The following CACTIN variants were observed in gnomAD, a reference collection of about 807,000 sequenced individuals.
CACTIN encodes the protein splicing factor Cactin.
A neutral mutation model predicts 84.9 loss-of-function variants in CACTIN; 20 were observed. The observed-to-expected ratio is 0.24, with a 90% CI of 0.17 to 0.34. The LOEUF (loss-of-function observed/expected upper bound fraction) is 0.34. Ranked by LOEUF, CACTIN falls within the 10% of genes least tolerant of loss-of-function variation. The pLI, the probability that CACTIN is intolerant of heterozygous loss-of-function variation, is 1.00. For synonymous variants in CACTIN, 549 were observed against 467.9 expected (o/e 1.17, Z -2.24); for missense variants, 897 against 1,117.2 (o/e 0.80, Z 2.81).
chr19:3,614,672 T>TGG, intron 6 of CACTIN, 83 bp from the exon 7 acceptor site: 1 of 1,134,962 alleles, frequency 8.8e-7, no homozygotes, highest in South Asian at 1.3e-5. Flanking sequence ...TCCCCTGCCA[T>TGG]GGGGGGGTCC....
Position 3,613,383 on chromosome 19 carries a change from T to C in CACTIN, c.1479-18A>G, listed in dbSNP as rs1273189476. 4 of 1,529,658 alleles carry C rather than the reference T, an allele frequency of 2.6e-6. No individual in the cohort carries two copies. The African/African-American group carries it at 5.5e-5, about 21-fold the overall frequency. 94.8% of individuals were successfully genotyped at this position (1,529,658 alleles called of 1,614,324 possible). A position where few individuals can be genotyped will look rare whatever the true frequency, so the allele number is the denominator to read the frequency against. Reference sequence around the variant, plus strand: ...GCTCCAGGCTGGGAGGAGAGAGCGTTGGAGGCGCGGAGGCTGCCCACGGCC... The same window carrying C: ...GCTCCAGGCTGGGAGGAGAGAGCGTCGGAGGCGCGGAGGCTGCCCACGGCC... On this transcript the variant is annotated intron_variant, in intron 8 of 9. Coordinates refer to ENST00000429344, the MANE Select transcript of CACTIN (RefSeq NM_001080543.2).
chr19:3,613,973 C>G, intron 7 of CACTIN: 1 of 413,756 alleles, frequency 2.4e-6, no homozygotes, highest in Non-Finnish European at 4.4e-6. Flanking sequence ...CAAAAACACT[C>G]CAGAAATCTG....
chr19:3,615,457 C>G lies in CACTIN; in HGVS notation c.1163-868G>C, dbSNP rs1262654149. On this transcript the variant is annotated intron_variant, in intron 6 of 9. Transcript: ENST00000429344. The surrounding 1 kb of genome is among the most constrained non-coding windows in gnomAD (Gnocchi z 5.2). ...TGCCGAACCCCTGCCACCTCTGGGCCTTTGCACGCACTGTGCTTCCTGCCA... is the reference window on the plus strand; with the variant it reads ...TGCCGAACCCCTGCCACCTCTGGGCGTTTGCACGCACTGTGCTTCCTGCCA... The G allele has an allele frequency of 6.5e-6, 1 of 153,518 alleles. No homozygotes were observed. The highest frequency in any genetic ancestry group is 2.4e-5 in the African/African-American group (1 of 41,490). The allele number at this position is 153,518 out of a possible 1,614,324, so 9.5% of individuals were successfully genotyped here. A position where few individuals can be genotyped will look rare whatever the true frequency, so the allele number is the denominator to read the frequency against.
Position 3,613,059 on chromosome 19 carries a change from C to A in CACTIN, c.1785G>T (p.Thr595=). 1 of 1,543,282 alleles carries A rather than the reference C, an allele frequency of 6.5e-7. No individual in the cohort carries two copies. The highest frequency in any genetic ancestry group is 2.4e-5 in the East Asian group (1 of 41,922). ...LQLSRQQLQV[T]GDASESAEDI... ...CCTGGCCTCCAGCCCCGCCCTTACC[C>A]GTGACCTGGAGCTGCTGGCGCGAGA... The change falls in exon 9 of 10, where the codon ACG becomes ACT. Residue 595 remains threonine, a splice_region_variant and synonymous_variant. Coordinates refer to ENST00000429344, the MANE Select transcript of CACTIN (RefSeq NM_001080543.2).
rs767785709 is a variant in CACTIN, at chr19:3,620,209, G to A, written c.802C>T (p.Leu268=). The A allele has an allele frequency of 3.8e-5, 61 of 1,607,874 alleles. No homozygotes were observed. The highest frequency in any genetic ancestry group is 5.0e-5 in the Non-Finnish European group (59 of 1,178,838). The change falls in exon 4 of 10, where the codon CTG becomes TTG. Residue 268 remains leucine, a synonymous_variant. Transcript: ENST00000429344. ...TGCTCTGCCTCCTTCTCGCGCTGCAGCATCTCCAGCTCCTGCTCGCGCATG... is the reference window on the plus strand; with the variant it reads ...TGCTCTGCCTCCTTCTCGCGCTGCAACATCTCCAGCTCCTGCTCGCGCATG... The part of the protein sequence containing the change: ...KAMREQELEM[L]QREKEAEHFK...
intron 2 of CACTIN, among the ~76,000 whole-genome samples, chr19:3,621,524 C>T (rs1042310684): frequency 2.0e-5 from 3 of 152,208 alleles, no homozygotes; most frequent in Non-Finnish European, 4.4e-5. Flanking sequence ...GGGACCACCC[C>T]CAGACACCCG....
intron 3 of CACTIN, chr19:3,620,475 C>A (rs1306331877): frequency 5.5e-6 from 4 of 721,314 alleles, no homozygotes; most frequent in Non-Finnish European, 7.2e-6. Context: ...TCAGCTGGGG[C>A]CCTCTCGGCC....
chr19:3,619,568 G>T lies in CACTIN; in HGVS notation c.885-326C>A, dbSNP rs890510465. ...TGGGCTGTGATGGGGAAGAGTGGAG[G>T]AGCTGAAGCAGAGGCAGGCTGGGGG... On this transcript the variant is annotated intron_variant, in intron 4 of 9. Transcript: ENST00000429344. 1.4e-3 allele frequency among the ~76,000 whole-genome samples: 208 copies of T among 152,318 alleles called. 1 individual carries two copies. Among genetic ancestry groups the T allele is most frequent in the African/African-American group, 4.9e-3 (203 of 41,570 alleles).
intron 1 of CACTIN, among the ~76,000 whole-genome samples, chr19:3,625,157 G>A (rs2033307579): frequency 6.6e-6 from 1 of 152,162 alleles, no homozygotes; most frequent in Admixed American, 6.5e-5. Flanking sequence ...CTCCCAAAGT[G>A]TTGGGATTAC....
chr19:3,617,355 G>A (rs572158579), intron 6 of CACTIN, among the ~76,000 whole-genome samples: 1 of 152,214 alleles, frequency 6.6e-6, no homozygotes, highest in Non-Finnish European at 1.5e-5. Flanking sequence ...GTCTCCAGGG[G>A]GACAGCAAAG....
intron 1 of CACTIN, among the ~76,000 whole-genome samples, chr19:3,625,174 G>A (rs2033308009): frequency 6.6e-6 from 1 of 152,140 alleles, no homozygotes; most frequent in East Asian, 1.9e-4. Context: ...TTACAGATGT[G>A]AGCCACTGCG....
At position 3,614,437 on chromosome 19, in the gene CACTIN, T is replaced by C; in HGVS notation, c.1315A>G (p.Ser439Gly). The C allele has an allele frequency of 6.3e-7, 1 of 1,593,266 alleles. No homozygotes were observed. Among genetic ancestry groups the C allele is most frequent in the South Asian group, 1.1e-5 (1 of 88,010 alleles). ...GPNLDMGYWE[S>G]LLQQLRAHMA... The stretch of plus-strand genomic sequence containing the variant: ...TGGGCACGAAGCTGCTGCAGGAGGC[T>C]CTCCCAGTAGCCCATGTCCAGGTTG... Residue 439 changes from serine to glycine, a missense_variant, in exon 7 of 10, where the codon AGC (serine) becomes GGC (glycine). Physicochemically the swap from Ser to Gly is moderately conservative, Grantham distance 56 (BLOSUM62 0). Around this residue, in one of 8 missense-constraint regions of CACTIN, gnomAD observed 304 missense variants for 444.3 expected, o/e 0.68. Coordinates refer to ENST00000429344, the MANE Select transcript of CACTIN (RefSeq NM_001080543.2).
At chr19:3,624,281 A>T in intron 1 of CACTIN, 119 bp from the exon 2 acceptor site, 1 of 900,150 alleles carries the variant, frequency 1.1e-6, no homozygotes, top group Non-Finnish European at 1.7e-6. Context: ...CACAGCAGTG[A>T]CCCAAATACC....
rs565999503 is a variant in CACTIN at position 3,612,067 on chromosome 19, G to C, written c.2133C>G (p.His711Gln). The C allele has an allele frequency of 1.1e-5, 18 of 1,613,906 alleles. No individual in the cohort carries two copies. The highest frequency in any genetic ancestry group is 1.7e-5 in the Admixed American group (1 of 60,032). Residue 711 changes from histidine (H) to glutamine (Q), a missense_variant, in exon 10 of 10, where the codon CAC becomes CAG. Physicochemically the swap from His to Gln is conservative, Grantham distance 24. Transcript: ENST00000429344. ...DNKDFAILRFHAGPPYEDIAF... is the reference protein window; with the variant it reads ...DNKDFAILRFQAGPPYEDIAF... ...CGATGTCCTCGTAGGGCGGCCCCGC[G>C]TGGAAGCGCAGGATGGCGAAATCCT...
chr19:3,612,988 G>T, intron 9 of CACTIN, 70 bp downstream of exon 9: 1 of 1,489,890 alleles, frequency 6.7e-7, no homozygotes, highest in Non-Finnish European at 9.0e-7. Context: ...GCCGGGAAAT[G>T]AGGCTGGAGA....
chr19:3,620,870 G>A (rs772594025), intron 2 of CACTIN, 68 bp from the exon 3 acceptor site: 41 of 1,259,050 alleles, frequency 3.3e-5, no homozygotes, highest in Middle Eastern at 1.8e-4. Context: ...CAGCTCCTTC[G>A]TCCAAGAGAT....
chr19:3,619,074 GGGTA>G lies in CACTIN; in HGVS notation c.1047+2_1047+5del. Reference sequence around the variant, plus strand: ...GGTCAGAGGAGCATCGGGTGGGGCTGGGTACCTGGATATCCTCCAGCAGGTCCTC... The same window carrying G: ...GGTCAGAGGAGCATCGGGTGGGGCTGCCTGGATATCCTCCAGCAGGTCCTC... On this transcript the variant is annotated splice_donor_variant and splice_donor_5th_base_variant and intron_variant, in intron 5 of 9. Transcript: ENST00000429344. LOFTEE classifies it high-confidence loss of function. 1 of 1,553,942 alleles carries G rather than the reference GGGTA, an allele frequency of 6.4e-7. No homozygotes were observed. Among genetic ancestry groups the G allele is most frequent in the Non-Finnish European group, 8.7e-7 (1 of 1,148,540 alleles).
rs770351695 is a variant in CACTIN, at chr19:3,624,178, T to C, written c.168-16A>G. 18 of 1,533,780 alleles carry C rather than the reference T, an allele frequency of 1.2e-5. No homozygotes were observed. Among genetic ancestry groups the C allele is most frequent in the Middle Eastern group, 3.5e-4 (2 of 5,768 alleles). The stretch of plus-strand genomic sequence containing the variant: ...TGAATCTGACCTGCGGAGAGGACCA[T>C]GGATGCCTGCTCAGTGCCTGCAGCT... On this transcript the variant is annotated splice_polypyrimidine_tract_variant and intron_variant, in intron 1 of 9. Coordinates refer to ENST00000429344, the MANE Select transcript of CACTIN (RefSeq NM_001080543.2).
At chr19:3,624,358 C>T (rs1451262795) in intron 1 of CACTIN, among the ~76,000 whole-genome samples, 196 bp from the exon 2 acceptor site, 1 of 152,226 alleles carries the variant, frequency 6.6e-6, no homozygotes, top group East Asian at 1.9e-4. Context: ...AACAAATAAA[C>T]ACACCACGCA....
Sources: allele counts gnomAD v4.1 joint callset (sites outside exome capture counted in the v4.1 genomes callset), GRCh38; gene constraint gnomAD v4.1.1; regional missense constraint gnomAD v4.1.1; non-coding constraint Gnocchi (gnomAD v3.1); transcripts MANE v1.5; gene names NCBI Gene and HGNC (gene_info 2026-07-23, HGNC 2026-07-21).